KIAA1549: variants seen among roughly 807,000 people sequenced by gnomAD.
KIAA1549 encodes KIAA1549.
A neutral mutation model predicts 156.4 loss-of-function variants in KIAA1549; 70 were observed. That is an observed-to-expected ratio of 0.45 (90% CI 0.37 to 0.55). KIAA1549 has a LOEUF of 0.55. Among genes scored for constraint, KIAA1549 ranks in the 20% least tolerant of loss-of-function variants. The probability of loss-of-function intolerance (pLI) is 0.00; values close to 1 mark genes in which losing one functional copy is unlikely to be tolerated. For synonymous variants in KIAA1549, 1,103 were observed against 1,066.4 expected (o/e 1.03, Z -0.67); for missense variants, 2,428 against 2,540.9 (o/e 0.96, Z 0.96).
At chr7:138,896,120 G>A (rs1393405807) in intron 9 of KIAA1549, among the ~76,000 whole-genome samples, 9 of 152,154 alleles carry the variant, frequency 5.9e-5, no homozygotes, top group South Asian at 2.1e-4. Context: ...TGGATAATCC[G>A]TGAAGTGCTA....
intron 6 of KIAA1549, 96 bp from the exon 7 acceptor site, chr7:138,905,177 C>A: frequency 1.2e-6 from 1 of 829,910 alleles, no homozygotes; most frequent in Non-Finnish European, 2.0e-6. Flanking sequence ...TACTATTTAG[C>A]TCTAAATGTG....
In KIAA1549 at chr7:138,918,269, T is replaced by A; in HGVS notation, c.1357A>T (p.Met453Leu). The change falls in exon 2 of 20, where the codon ATG becomes TTG. Residue 453 changes from methionine to leucine, a missense_variant. By Grantham distance (15) the Met-to-Leu change is conservative (BLOSUM62 2). Coordinates refer to ENST00000422774, the MANE Select transcript of KIAA1549 (RefSeq NM_001164665.2). This position sits in a 1 kb window ranked among gnomAD's most constrained non-coding sequence, Gnocchi z 4.2. ...ATGCTGCTTTCTTCCAGCACGGTCA[T>A]GCACAGAGTCTCGGCACCATCCCCT... The part of the protein sequence containing the change: ...GSGDGAETLC[M>L]TVLEESSISL... 6.2e-7 allele frequency: 1 copy of A among 1,614,002 alleles called. No individual in the cohort carries two copies. Among genetic ancestry groups the A allele is most frequent in the Non-Finnish European group, 8.5e-7 (1 of 1,179,886 alleles).
At chr7:138,916,326 T>C (rs1004103370) in intron 2 of KIAA1549, among the ~76,000 whole-genome samples, 2 of 152,232 alleles carry the variant, frequency 1.3e-5, no homozygotes, top group African/African-American at 4.8e-5. Flanking sequence ...ATGCACCTAC[T>C]GGGTTATGGT....
At chr7:138,933,710 A>G (rs992973401) in intron 1 of KIAA1549, among the ~76,000 whole-genome samples, 11 of 152,242 alleles carry the variant, frequency 7.2e-5, no homozygotes, top group African/African-American at 1.9e-4. Flanking sequence ...TCATGCCTGT[A>G]ATCCCAGCAC....
In KIAA1549 at chr7:138,832,191, C is replaced by CTTTTTTTTTTTTTTTTTTTTTTTT. The variant is rs749938588; in HGVS notation, c.*5714_*5715insAAAAAAAAAAAAAAAAAAAAAAAA. 5.0e-5 allele frequency: 7 copies of CTTTTTTTTTTTTTTTTTTTTTTTT among 140,252 alleles called. No individual in the cohort carries two copies. The highest frequency in any genetic ancestry group is 2.3e-4 in the African/African-American group (7 of 29,852). The allele number at this position is 140,252 out of a possible 1,614,324, so 8.7% of individuals were successfully genotyped here. A position where few individuals can be genotyped will look rare whatever the true frequency, so the allele number is the denominator to read the frequency against. On this transcript the variant is annotated 3_prime_UTR_variant, in exon 20 of 20. Transcript: ENST00000422774. Reference sequence around the variant, plus strand: ...TCACCTCTGTCCCTTTTACCTATTCCTTTTTTTTTTTTTTTTTTTTCCAGA... The same window carrying CTTTTTTTTTTTTTTTTTTTTTTTT: ...TCACCTCTGTCCCTTTTACCTATTCCTTTTTTTTTTTTTTTTTTTTTTTTTTTTTTTTTTTTTTTTTTTTCCAGA...
chr7:138,919,078 G>A lies in KIAA1549; in HGVS notation c.548C>T (p.Pro183Leu). Residue 183 changes from proline (P) to leucine (L), a missense_variant, in exon 2 of 20, where the codon CCA becomes CTA. Pro to Leu is a moderately conservative substitution (Grantham distance 98). Transcript: ENST00000422774. ...TTCTAATGCTTCCCTGGGCAGCCCT[G>A]GTGGGCTGACTGTGATATACTGTAT... ...SPIQYITVSP[P>L]GLPREALEPM... The A allele has an allele frequency of 6.2e-7, 1 of 1,613,920 alleles. No individual in the cohort carries two copies. Among genetic ancestry groups the A allele is most frequent in the Non-Finnish European group, 8.5e-7 (1 of 1,179,790 alleles).
intron 1 of KIAA1549, among the ~76,000 whole-genome samples, chr7:138,940,700 T>C (rs893573072): frequency 7.2e-5 from 11 of 152,172 alleles, no homozygotes; most frequent in South Asian, 4.1e-4. Flanking sequence ...TTTTAATGAT[T>C]GCCATTCTAA....
chr7:138,943,565 C>A (rs1813246690), intron 1 of KIAA1549, among the ~76,000 whole-genome samples: 1 of 152,178 alleles, frequency 6.6e-6, no homozygotes, highest in African/African-American at 2.4e-5. Flanking sequence ...AAATGCATTA[C>A]CTCGCCAGGC....
chr7:138,841,201 T>C (rs1330156792), intron 18 of KIAA1549, among the ~76,000 whole-genome samples: 1 of 152,210 alleles, frequency 6.6e-6, no homozygotes, highest in Non-Finnish European at 1.5e-5. Context: ...CTTTCTTGCT[T>C]GTGGCTTCGA....
chr7:138,853,795 T>A (rs1810301358), intron 16 of KIAA1549, among the ~76,000 whole-genome samples: 1 of 152,088 alleles, frequency 6.6e-6, no homozygotes, highest in Non-Finnish European at 1.5e-5. Flanking sequence ...TAAAGGGAAA[T>A]CTGAGACTAC....
At chr7:138,941,831 T>C (rs1200703614) in intron 1 of KIAA1549, among the ~76,000 whole-genome samples, 1 of 152,156 alleles carries the variant, frequency 6.6e-6, no homozygotes, top group East Asian at 1.9e-4. Flanking sequence ...ACATCAGGGA[T>C]AACCTTCAGG....
chr7:138,906,925 C>A lies in KIAA1549; in HGVS notation c.3454G>T (p.Ala1152Ser), dbSNP rs746150183. Residue 1152 changes from alanine (A) to serine (S), a missense_variant, in exon 6 of 20, where the codon GCA becomes TCA. Around this residue, in one of 5 missense-constraint regions of KIAA1549, gnomAD observed 762 missense variants for 901.6 expected, o/e 0.85. Transcript: ENST00000422774. ...CCAAGAGGGCTGTACTCACGCTCTGCGATCTGCAGCACTGGGTATCCCAGA... is the reference window on the plus strand; with the variant it reads ...CCAAGAGGGCTGTACTCACGCTCTGAGATCTGCAGCACTGGGTATCCCAGA... ...FYLGYPVLQI[A>S]EPFQYPQLNL... The A allele has an allele frequency of 2.5e-6, 4 of 1,592,546 alleles. No homozygotes were observed. Among genetic ancestry groups the A allele is most frequent in the Non-Finnish European group, 3.4e-6 (4 of 1,171,102 alleles).
At chr7:138,937,474 G>C (rs535392263) in intron 1 of KIAA1549, among the ~76,000 whole-genome samples, 1 of 152,170 alleles carries the variant, frequency 6.6e-6, no homozygotes, top group Non-Finnish European at 1.5e-5. Flanking sequence ...TGTTAGCCAA[G>C]ATAGAAAGGT....
At chr7:138,930,208 C>A (rs2130503449) in intron 1 of KIAA1549, among the ~76,000 whole-genome samples, 1 of 152,318 alleles carries the variant, frequency 6.6e-6, no homozygotes, top group African/African-American at 2.4e-5. Context: ...GTCAGTAAAT[C>A]ATGCTTTACA....
intron 15 of KIAA1549, among the ~76,000 whole-genome samples, chr7:138,867,636 T>C (rs960454310): frequency 6.0e-5 from 9 of 151,230 alleles, no homozygotes; most frequent in African/African-American, 2.2e-4. Flanking sequence ...TGAGGATATT[T>C]CTCTCTCTCT....
chr7:138,880,425 T>C (rs1811208322), intron 11 of KIAA1549, among the ~76,000 whole-genome samples: 1 of 152,250 alleles, frequency 6.6e-6, no homozygotes, highest in South Asian at 2.1e-4. Flanking sequence ...AGCATCTCTC[T>C]ACATAACTCA....
At chr7:138,963,308 T>C (rs1385918370) in intron 1 of KIAA1549, among the ~76,000 whole-genome samples, 1 of 152,226 alleles carries the variant, frequency 6.6e-6, no homozygotes, top group Non-Finnish European at 1.5e-5. Flanking sequence ...CAAGATCTGC[T>C]GGTGGGAGGC....
At chr7:138,977,515 A>C (rs1814413972) in intron 1 of KIAA1549, among the ~76,000 whole-genome samples, 1 of 152,196 alleles carries the variant, frequency 6.6e-6, no homozygotes, top group Admixed American at 6.5e-5. Flanking sequence ...TAACTTTCAA[A>C]AATTGCTTCA....
intron 5 of KIAA1549, 23 bp from the exon 6 acceptor site, chr7:138,907,125 A>C (rs748286613): frequency 5.9e-6 from 9 of 1,517,864 alleles, no homozygotes; most frequent in Non-Finnish European, 7.9e-6. Context: ...AGTCAGAATA[A>C]GCTTCTATAA....
Sources: gnomAD v4.1 joint callset for allele counts (sites outside exome capture counted in the v4.1 genomes callset) on GRCh38, gnomAD v4.1.1 for gene constraint, gnomAD v4.1.1 regional missense constraint, Gnocchi (gnomAD v3.1) non-coding constraint, MANE v1.5 for transcripts, NCBI Gene and HGNC (gene_info 2026-07-23, HGNC 2026-07-21) for gene names.